GABRA5: variants seen among roughly 807,000 people sequenced by gnomAD.
GABRA5 encodes gamma-aminobutyric acid type A receptor subunit alpha5, also known as gamma-aminobutyric acid receptor subunit alpha-5.
Under a neutral mutation model 47.3 loss-of-function variants are expected in GABRA5, and 18 were observed. The observed-to-expected ratio is 0.38, with a 90% CI of 0.26 to 0.56. GABRA5 has a LOEUF of 0.56. Ranked by LOEUF, GABRA5 falls within the 20% of genes least tolerant of loss-of-function variation. The probability of loss-of-function intolerance (pLI) is 0.71; values close to 1 mark genes in which losing one functional copy is unlikely to be tolerated. For synonymous variants in GABRA5, 237 were observed against 229.3 expected (o/e 1.03, Z -0.30); for missense variants, 365 against 599.3 (o/e 0.61, Z 4.08).
At chr15:26,878,971 G>C (rs1216775307) in intron 3 of GABRA5, among the ~76,000 whole-genome samples, 1 of 152,178 alleles carries the variant, frequency 6.6e-6, no homozygotes, top group African/African-American at 2.4e-5. Context: ...CGCTCACAGA[G>C]ACATCACTGT....
intron 6 of GABRA5, among the ~76,000 whole-genome samples, chr15:26,906,948 C>T (rs1390144986): frequency 1.3e-5 from 2 of 152,150 alleles, no homozygotes; most frequent in African/African-American, 2.4e-5. Context: ...ATCAAACTTA[C>T]GATGGTTTTC....
intron 6 of GABRA5, among the ~76,000 whole-genome samples, chr15:26,890,805 G>A (rs2140266187): frequency 6.6e-6 from 1 of 152,230 alleles, no homozygotes; most frequent in South Asian, 2.1e-4. Context: ...CACTCAGGAG[G>A]AACTTATGTG....
chr15:26,875,182 T>C (rs550648540), intron 3 of GABRA5, among the ~76,000 whole-genome samples: 1 of 152,192 alleles, frequency 6.6e-6, no homozygotes, highest in African/African-American at 2.4e-5. Flanking sequence ...ACCAAGCCAT[T>C]CTGGGTTCTG....
chr15:26,892,415 G>A (rs879806146), intron 6 of GABRA5, among the ~76,000 whole-genome samples: 3 of 151,362 alleles, frequency 2.0e-5, no homozygotes, highest in Admixed American at 2.0e-4. Flanking sequence ...CCCAGCCCGC[G>A]CCCCGGGGGC....
At position 26,937,346 on chromosome 15, in the gene GABRA5, G is replaced by A. The variant is rs758841630; in HGVS notation, c.724+18G>A. On this transcript the variant is annotated intron_variant, in intron 8 of 10. Transcript: ENST00000335625. ...CAGCACAGGTGAGGGCTCGGCACGC[G>A]CTGTGCTGCCAGGCGCACTCAGGAC... is the stretch of plus-strand genomic sequence containing the variant. The A allele has an allele frequency of 8.2e-6, 13 of 1,590,242 alleles. No homozygotes were observed. The highest frequency in any genetic ancestry group is 2.7e-5 in the African/African-American group (2 of 74,260).
chr15:26,932,840 C>A (rs182142281), intron 7 of GABRA5, among the ~76,000 whole-genome samples: 1 of 152,084 alleles, frequency 6.6e-6, no homozygotes, highest in Non-Finnish European at 1.5e-5. Context: ...CAAACTAACA[C>A]AGGAACAGAA....
intron 7 of GABRA5, among the ~76,000 whole-genome samples, 158 bp downstream of exon 7, chr15:26,915,043 C>T (rs1893688276): frequency 6.6e-6 from 1 of 152,208 alleles, no homozygotes; most frequent in Non-Finnish European, 1.5e-5. Context: ...GACTAGCTTT[C>T]TTGTCTGCAA....
intron 6 of GABRA5, among the ~76,000 whole-genome samples, chr15:26,895,776 G>A (rs1201098720): frequency 1.4e-5 from 2 of 144,640 alleles, no homozygotes; most frequent in Non-Finnish European, 3.0e-5. Context: ...TGGCGCCACC[G>A]CACACTCCAG....
intron 7 of GABRA5, among the ~76,000 whole-genome samples, chr15:26,916,571 A>G (rs1308128715): frequency 6.6e-6 from 1 of 151,938 alleles, no homozygotes; most frequent in Non-Finnish European, 1.5e-5. Flanking sequence ...TTGTTATTTC[A>G]TATGATTTTA....
At chr15:26,920,452 T>C (rs1403812211) in intron 7 of GABRA5, among the ~76,000 whole-genome samples, 1 of 152,102 alleles carries the variant, frequency 6.6e-6, no homozygotes, top group African/African-American at 2.4e-5. Context: ...GATTTCTTTC[T>C]GGTAATTTAA....
At chr15:26,870,801 G>A (rs1892448365) in intron 3 of GABRA5, among the ~76,000 whole-genome samples, 1 of 152,206 alleles carries the variant, frequency 6.6e-6, no homozygotes. Context: ...GTCATCTAAT[G>A]CATTAGGTAG....
At chr15:26,938,825 C>T (rs953637551) in intron 8 of GABRA5, among the ~76,000 whole-genome samples, 5 of 152,210 alleles carry the variant, frequency 3.3e-5, no homozygotes, top group African/African-American at 1.2e-4. Flanking sequence ...GCTATGGTTC[C>T]TTCGTCTCCG....
chr15:26,870,923 G>A (rs1892453608), intron 3 of GABRA5, among the ~76,000 whole-genome samples: 1 of 152,220 alleles, frequency 6.6e-6, no homozygotes, highest in African/African-American at 2.4e-5. Flanking sequence ...CAGGCGTGAT[G>A]GCTCATGCTT....
intron 7 of GABRA5, among the ~76,000 whole-genome samples, chr15:26,917,168 G>C (rs1435979917): frequency 6.6e-6 from 1 of 152,036 alleles, no homozygotes; most frequent in African/African-American, 2.4e-5. Flanking sequence ...TAGAGAAAAA[G>C]TTGTCAGTTT....
chr15:26,871,088 G>A (rs1055378241), intron 3 of GABRA5, among the ~76,000 whole-genome samples: 1 of 152,198 alleles, frequency 6.6e-6, no homozygotes, highest in Non-Finnish European at 1.5e-5. Context: ...CAGCCACTTG[G>A]GAGGCTGAGG....
In GABRA5 at chr15:26,883,623, G is replaced by A. The variant is rs2140256558; in HGVS notation, c.497+66G>A. 3 of 1,257,108 alleles carry A rather than the reference G, an allele frequency of 2.4e-6. No individual in the cohort carries two copies. Among genetic ancestry groups the A allele is most frequent in the Middle Eastern group, 2.6e-4 (1 of 3,824 alleles). The allele number at this position is 1,257,108 out of a possible 1,614,324, so 77.9% of individuals were successfully genotyped here. On this transcript the variant is annotated intron_variant, in intron 6 of 10. Coordinates refer to ENST00000335625, the MANE Select transcript of GABRA5 (RefSeq NM_000810.4). This position sits in a 1 kb window ranked among gnomAD's most constrained non-coding sequence, Gnocchi z 4.8. The stretch of plus-strand genomic sequence containing the variant: ...CGGGGCAGGCGCGGCTGCCCATCCT[G>A]CCGCAAGAGCTGCGCCGCGGAGCTG...
rs149434232 is a variant in GABRA5 at position 26,949,057 on chromosome 15, G to C, written c.*824G>C. 6.6e-6 allele frequency: 1 copy of C among 152,114 alleles called. No homozygotes were observed. Among genetic ancestry groups the C allele is most frequent in the Non-Finnish European group, 1.5e-5 (1 of 68,022 alleles). The allele number at this position is 152,114 out of a possible 1,614,324, so 9.4% of individuals were successfully genotyped here. A position where few individuals can be genotyped will look rare whatever the true frequency, so the allele number is the denominator to read the frequency against. On this transcript the variant is annotated 3_prime_UTR_variant, in exon 11 of 11. Coordinates refer to ENST00000335625, the MANE Select transcript of GABRA5 (RefSeq NM_000810.4). ...CTGACCACCTCTCCCTACAGCCAGC[G>C]TGTAGTGCTTCAGTGGTGAGAAATT...
chr15:26,922,553 T>G (rs1322439565), intron 7 of GABRA5, among the ~76,000 whole-genome samples: 1 of 152,206 alleles, frequency 6.6e-6, no homozygotes, highest in Non-Finnish European at 1.5e-5. Flanking sequence ...TTTACACTCT[T>G]TATATTTAAT....
intron 3 of GABRA5, among the ~76,000 whole-genome samples, chr15:26,878,038 C>T (rs1228753456): frequency 2.6e-5 from 4 of 152,188 alleles, no homozygotes; most frequent in African/African-American, 9.6e-5. Context: ...AGAAGTGGCG[C>T]GTCGGCGAGT....
Sources: gnomAD v4.1 joint callset for allele counts (sites outside exome capture counted in the v4.1 genomes callset) on GRCh38, gnomAD v4.1.1 for gene constraint, Gnocchi (gnomAD v3.1) non-coding constraint, MANE v1.5 for transcripts, NCBI Gene and HGNC (gene_info 2026-07-23, HGNC 2026-07-21) for gene names.